The following NENF variants were observed in gnomAD, a reference collection of about 807,000 sequenced individuals.
NENF encodes neudesin neurotrophic factor.
Under a neutral mutation model 14.8 loss-of-function variants are expected in NENF, and 6 were observed. The observed-to-expected ratio is 0.40, with a 90% confidence interval of 0.22 to 0.80. The LOEUF is 0.80. NENF is among the 30% of genes least tolerant of loss of function. The pLI is 0.34. For synonymous variants in NENF, 76 were observed against 95.1 expected, an observed-to-expected ratio of 0.80 and a Z score of 1.17; for missense variants, 184 against 212.7, an observed-to-expected ratio of 0.87 and a Z score of 0.84.
intron 1 of NENF, among the ~76,000 whole-genome samples, chr1:212,436,307 CTTT>C (rs71573839): frequency 8.9e-6 from 1 of 112,632 alleles, no homozygotes; most frequent in African/African-American, 3.4e-5. Flanking sequence ...GCCCATGGGT[CTTT>C]TTTTTTTTTT....
chr1:212,437,764 G>T (rs1427275677), intron 1 of NENF, among the ~76,000 whole-genome samples: 1 of 152,164 alleles, frequency 6.6e-6, no homozygotes, highest in Non-Finnish European at 1.5e-5. Flanking sequence ...TTCCTTTTAG[G>T]CATTGTAGGG....
chr1:212,444,429 TC>T lies in NENF; in HGVS notation c.330del (p.Thr111ProfsTer80). ...AAGATGTCCTTGGATCCTGCAGACC[TC>T]ACCCATGACACTGTGAGCCAGATTA... The part of the protein sequence containing the change: ...VAKMSLDPAD[L>X]THDTTGLTAK... On this transcript the variant is annotated frameshift_variant, in exon 3 of 4. Coordinates refer to ENST00000366988, the MANE Select transcript of NENF (RefSeq NM_013349.5). LOFTEE classifies it high-confidence loss of function. 6.2e-7 allele frequency: 1 copy of T among 1,603,670 alleles called. No homozygotes were observed. Among genetic ancestry groups the T allele is most frequent in the Non-Finnish European group, 8.5e-7 (1 of 1,173,996 alleles).
intron 1 of NENF, among the ~76,000 whole-genome samples, chr1:212,435,437 A>G (rs1345884467): frequency 2.0e-5 from 3 of 151,996 alleles, no homozygotes; most frequent in African/African-American, 7.2e-5. Flanking sequence ...GAGCCTGGCA[A>G]TCCTGGGCCC....
At chr1:212,441,903 G>A (rs942445987) in intron 1 of NENF, among the ~76,000 whole-genome samples, 3 of 152,330 alleles carry the variant, frequency 2.0e-5, no homozygotes, top group East Asian at 3.9e-4. Context: ...GCTCATATCA[G>A]TCACATCCGT....
intron 3 of NENF, among the ~76,000 whole-genome samples, chr1:212,445,625 T>C (rs772372238): frequency 1.3e-4 from 20 of 152,096 alleles, no homozygotes; most frequent in Non-Finnish European, 2.2e-4. Flanking sequence ...TGATGAAGCA[T>C]TGCTCCCCGT....
intron 2 of NENF, 23 bp from the exon 3 acceptor site, chr1:212,444,316 C>G (rs1662741922): frequency 2.6e-6 from 4 of 1,525,820 alleles, no homozygotes; most frequent in Non-Finnish European, 3.6e-6. Flanking sequence ...ACGCTTACGT[C>G]TCTTCCTTCC....
In NENF at chr1:212,433,027, A is replaced by G; in HGVS notation, c.84A>G (p.Thr28=). Residue 28 remains threonine (T), a synonymous_variant, in exon 1 of 4, where the codon ACA becomes ACG. Transcript: ENST00000366988. The surrounding 1 kb of genome is among the most constrained non-coding windows in gnomAD (Gnocchi z 5.5). ...TGGCGCTGGCCCCGGGGCTGCCCAC[A>G]GCCCGGGCCGGGCAGACACCGCGCC... ...LVLALAPGLP[T]ARAGQTPRPA... The G allele has an allele frequency of 8.5e-7, 1 of 1,177,948 alleles. No individual in the cohort carries two copies. Among genetic ancestry groups the G allele is most frequent in the Non-Finnish European group, 1.0e-6 (1 of 953,316 alleles). The allele number at this position is 1,177,948 out of a possible 1,614,324, so 73.0% of individuals were successfully genotyped here.
chr1:212,439,119 A>G (rs574628966), intron 1 of NENF, among the ~76,000 whole-genome samples: 28 of 152,050 alleles, frequency 1.8e-4, no homozygotes, highest in Non-Finnish European at 3.5e-4. Context: ...TGAGGTATCT[A>G]TGTCACTCTG....
At chr1:212,434,568 GAA>G (rs997340262) in intron 1 of NENF, 1 of 152,198 alleles carries the variant, frequency 6.6e-6, no homozygotes, top group African/African-American at 2.4e-5. Flanking sequence ...GTTGCTGGGG[GAA>G]GAGTGTGCTC....
intron 1 of NENF, among the ~76,000 whole-genome samples, chr1:212,434,229 C>T (rs868184124): frequency 7.2e-5 from 11 of 151,926 alleles, no homozygotes; most frequent in South Asian, 4.2e-4. Flanking sequence ...GCCTTTTTGC[C>T]GGTAGCAGAG....
At chr1:212,434,032 C>T (rs1464622743) in intron 1 of NENF, among the ~76,000 whole-genome samples, 3 of 152,170 alleles carry the variant, frequency 2.0e-5, no homozygotes, top group Admixed American at 6.5e-5. Context: ...ACCCTCTGGC[C>T]TGGTCTCGCT....
chr1:212,439,007 C>A (rs1029174077), intron 1 of NENF, among the ~76,000 whole-genome samples: 6 of 152,064 alleles, frequency 3.9e-5, no homozygotes, highest in Non-Finnish European at 8.8e-5. Flanking sequence ...AGAGTCTGTG[C>A]CTGGGGGTTG....
chr1:212,435,342 A>G (rs1321585727), intron 1 of NENF, among the ~76,000 whole-genome samples: 1 of 152,098 alleles, frequency 6.6e-6, no homozygotes, highest in African/African-American at 2.4e-5. Flanking sequence ...GTCTGCATAT[A>G]ACTTTTTTTT....
At chr1:212,437,207 A>T (rs1662613764) in intron 1 of NENF, among the ~76,000 whole-genome samples, 1 of 152,210 alleles carries the variant, frequency 6.6e-6, no homozygotes. Context: ...AGAAAAACCC[A>T]GCTTGATCTG....
Position 212,433,958 on chromosome 1 carries a change from A to G in NENF, c.177+838A>G, listed in dbSNP as rs142934028. Among the ~76,000 whole-genome samples the G allele has an allele frequency of 3.0e-3, 459 of 152,296 alleles. 2 individuals carry two copies. The highest frequency in any genetic ancestry group is 0.01 in the African/African-American group (426 of 41,564). ...AGGAACCCATCTCCTGCTTTTACAC[A>G]TAAGGAAACTGAGGCCTGCCACCTG... On this transcript the variant is annotated intron_variant, in intron 1 of 3. Coordinates refer to ENST00000366988, the MANE Select transcript of NENF (RefSeq NM_013349.5). This position sits in a 1 kb window ranked among gnomAD's most constrained non-coding sequence, Gnocchi z 5.5.
At chr1:212,445,080 C>A (rs987885890) in intron 3 of NENF, among the ~76,000 whole-genome samples, 2 of 152,014 alleles carry the variant, frequency 1.3e-5, no homozygotes, top group African/African-American at 4.8e-5. Flanking sequence ...CATGGAGAAA[C>A]CCCGTCTCTA....
chr1:212,445,314 G>A (rs1206630867), intron 3 of NENF, among the ~76,000 whole-genome samples: 4 of 152,146 alleles, frequency 2.6e-5, no homozygotes, highest in African/African-American at 9.6e-5. Flanking sequence ...CAACAGTAAG[G>A]CTGGAATTTC....
At chr1:212,435,823 G>A (rs551489180) in intron 1 of NENF, among the ~76,000 whole-genome samples, 2 of 152,238 alleles carry the variant, frequency 1.3e-5, no homozygotes, top group South Asian at 2.1e-4. Flanking sequence ...GGGAATACAC[G>A]TGTGAGCCTC....
At chr1:212,436,631 G>A (rs1662605811) in intron 1 of NENF, among the ~76,000 whole-genome samples, 1 of 152,172 alleles carries the variant, frequency 6.6e-6, no homozygotes, top group Non-Finnish European at 1.5e-5. Flanking sequence ...TCGATTATGA[G>A]ATTAGGCCCA....
Sources: allele counts gnomAD v4.1 joint callset (sites outside exome capture counted in the v4.1 genomes callset), GRCh38; gene constraint gnomAD v4.1.1; non-coding constraint Gnocchi (gnomAD v3.1); transcripts MANE v1.5; gene names NCBI Gene and HGNC (gene_info 2026-07-23, HGNC 2026-07-21).